The following DNAJC4 variants were observed in gnomAD, a reference collection of about 807,000 sequenced individuals.
The protein encoded by DNAJC4 is dnaJ homolog subfamily C member 4.
DNAJC4 carries 26 observed loss-of-function variants against 26.8 expected under a neutral mutation model. The observed-to-expected ratio is 0.97, with a 90% CI of 0.71 to 1.34. The LOEUF (loss-of-function observed/expected upper bound fraction) is 1.34, where lower values mean the gene tolerates loss of function less well. DNAJC4 is among the 40% of genes most tolerant of loss of function. The pLI, the probability that DNAJC4 is intolerant of heterozygous loss-of-function variation, is 0.00. For synonymous variants in DNAJC4, 134 were observed against 127.8 expected, an observed-to-expected ratio of 1.05 and a Z score of -0.33; for missense variants, 342 against 321.1, an observed-to-expected ratio of 1.07 and a Z score of -0.50.
Position 64,230,858 on chromosome 11 carries a change from C to T in DNAJC4, c.4C>T (p.Pro2Ser), listed in dbSNP as rs868563644. The change falls in exon 1 of 6, where the codon CCG becomes TCG. Residue 2 changes from proline to serine, a missense_variant. Pro to Ser is a moderately conservative substitution (Grantham distance 74). Coordinates refer to ENST00000628077, the MANE Select transcript of DNAJC4 (RefSeq NM_005528.4). M[P>S]PLLPLRLCRL... ...TCCCAGCTGCCCGCCCGCCGCCATG[C>T]CGCCCTTACTGCCCCTGCGCCTGTG... The T allele has an allele frequency of 1.3e-6, 2 of 1,599,288 alleles. No homozygotes were observed. The highest frequency in any genetic ancestry group is 1.7e-5 in the Admixed American group (1 of 59,124).
chr11:64,230,818 C>G lies in DNAJC4; in HGVS notation c.-37C>G. On this transcript the variant is annotated 5_prime_UTR_variant, in exon 1 of 6. Coordinates refer to ENST00000628077, the MANE Select transcript of DNAJC4 (RefSeq NM_005528.4). ...TAGCCCCATCCTGGTCCAATGCGCTCTTGGTAGCCTCCTTTCCCAGCTGCC... is the reference window on the plus strand; with the variant it reads ...TAGCCCCATCCTGGTCCAATGCGCTGTTGGTAGCCTCCTTTCCCAGCTGCC... 6.3e-7 allele frequency: 1 copy of G among 1,582,000 alleles called. No homozygotes were observed. The highest frequency in any genetic ancestry group is 8.6e-7 in the Non-Finnish European group (1 of 1,166,322).
At position 64,233,891 on chromosome 11, in the gene DNAJC4, C is replaced by A; in HGVS notation, c.528-3C>A. 1 of 1,612,398 alleles carries A rather than the reference C, an allele frequency of 6.2e-7. No homozygotes were observed. The highest frequency in any genetic ancestry group is 1.1e-5 in the South Asian group (1 of 91,058). ...TCCCAGGGTTAATTGTGACCCATTG[C>A]AGGAAGGTGAAGCAGATGCACCTTA... On this transcript the variant is annotated splice_polypyrimidine_tract_variant and splice_region_variant and intron_variant, in intron 4 of 5. Coordinates refer to ENST00000628077, the MANE Select transcript of DNAJC4 (RefSeq NM_005528.4).
chr11:64,231,169 A>G, intron 1 of DNAJC4: 1 of 679,346 alleles, frequency 1.5e-6, no homozygotes, highest in Non-Finnish European at 2.7e-6. Flanking sequence ...CGCTCTTACC[A>G]CAGCTCTAGT....
In DNAJC4 at chr11:64,233,940, A is replaced by T; in HGVS notation, c.574A>T (p.Ile192Phe). The T allele has an allele frequency of 6.2e-7, 1 of 1,614,072 alleles. No homozygotes were observed. The highest frequency in any genetic ancestry group is 8.5e-7 in the Non-Finnish European group (1 of 1,180,008). The part of the protein sequence containing the change: ...HLNFMDEKDR[I>F]ITAFYNEARA... ...TAACTTCATGGATGAAAAGGATCGG[A>T]TCATCACAGCCTTCTACAACGAAGC... Residue 192 changes from isoleucine to phenylalanine, a missense_variant, in exon 5 of 6, where the codon ATC becomes TTC. Physicochemically the swap from Ile to Phe is conservative, Grantham distance 21. Transcript: ENST00000628077.
chr11:64,233,292 G>C (rs1409053389), intron 4 of DNAJC4, among the ~76,000 whole-genome samples: 1 of 151,876 alleles, frequency 6.6e-6, no homozygotes, highest in Non-Finnish European at 1.5e-5. Flanking sequence ...GCAGTGCAGT[G>C]GCGCAATCTC....
At chr11:64,233,014 T>C in intron 4 of DNAJC4, 149 bp downstream of exon 4, 2 of 858,302 alleles carry the variant, frequency 2.3e-6, no homozygotes, top group Non-Finnish European at 1.6e-6. Context: ...CTGGAGCCTC[T>C]CCTTACTTAT....
At chr11:64,231,216 T>G in intron 1 of DNAJC4, 1 of 569,092 alleles carries the variant, frequency 1.8e-6, no homozygotes, top group Non-Finnish European at 3.3e-6. Flanking sequence ...TGCATAACCC[T>G]CTGTGGGGGG....
intron 1 of DNAJC4, chr11:64,231,610 G>A (rs1947176985): frequency 7.4e-6 from 3 of 403,384 alleles, no homozygotes; most frequent in Admixed American, 7.7e-5. Context: ...CAAAATGCTG[G>A]ATTACAGGCG....
At position 64,230,802 on chromosome 11, in the gene DNAJC4, C is replaced by G. The variant is rs746712557; in HGVS notation, c.-53C>G. 1.9e-6 allele frequency: 3 copies of G among 1,566,900 alleles called. No homozygotes were observed. The highest frequency in any genetic ancestry group is 2.6e-6 in the Non-Finnish European group (3 of 1,157,982). ...CCGGGTGCTTGAAGTCTAGCCCCAT[C>G]CTGGTCCAATGCGCTCTTGGTAGCC... On this transcript the variant is annotated 5_prime_UTR_variant, in exon 1 of 6. It adds an upstream start codon to the 5' untranslated region. Coordinates refer to ENST00000628077, the MANE Select transcript of DNAJC4 (RefSeq NM_005528.4).
At chr11:64,230,963 G>C (rs941108757) in intron 1 of DNAJC4, 23 bp downstream of exon 1, 1 of 1,538,982 alleles carries the variant, frequency 6.5e-7, no homozygotes, top group Non-Finnish European at 8.7e-7. Flanking sequence ...CGGGGGGCCG[G>C]CCCGGTTGTT....
intron 4 of DNAJC4, 152 bp from the exon 5 acceptor site, chr11:64,233,742 C>A: frequency 9.4e-7 from 1 of 1,060,980 alleles, no homozygotes; most frequent in Non-Finnish European, 1.3e-6. Context: ...CCACTCTGAG[C>A]CCTCCCTATC....
At chr11:64,232,242 G>A in intron 2 of DNAJC4, 188 bp from the exon 3 acceptor site, 1 of 791,034 alleles carries the variant, frequency 1.3e-6, no homozygotes, top group African/African-American at 1.7e-5. Context: ...GGTGGGGAGG[G>A]CTTGAACACA....
At position 64,232,811 on chromosome 11, in the gene DNAJC4, G is replaced by A. The variant is rs1429461288; in HGVS notation, c.473G>A (p.Gly158Glu). The A allele has an allele frequency of 4.3e-6, 7 of 1,612,868 alleles. No homozygotes were observed. The highest frequency in any genetic ancestry group is 5.9e-6 in the Non-Finnish European group (7 of 1,179,512). The stretch of plus-strand genomic sequence containing the variant: ...CACAAACAAAACAAACAAGTGCTGG[G>A]GTACTGCCTCCTCCTCATGCTGGCG... ...QQHKQNKQVL[G>E]YCLLLMLAGM... Residue 158 changes from glycine (G) to glutamate (E), a missense_variant, in exon 4 of 6, where the codon GGG becomes GAG. Transcript: ENST00000628077.
In DNAJC4 at chr11:64,230,920, C is replaced by T. The variant is rs1391741314; in HGVS notation, c.66C>T (p.Leu22=). 3 of 1,570,822 alleles carry T rather than the reference C, an allele frequency of 1.9e-6. No individual in the cohort carries two copies. Among genetic ancestry groups the T allele is most frequent in the Admixed American group, 1.8e-5 (1 of 56,432 alleles). The change falls in exon 1 of 6, where the codon CTC becomes CTT. Residue 22 remains leucine (L), a synonymous_variant. Coordinates refer to ENST00000628077, the MANE Select transcript of DNAJC4 (RefSeq NM_005528.4). ...LWPRNPPSRL[L]GAAAGQRSRP... is the part of the protein sequence containing the mutation. ...CCCGCAACCCTCCCTCCCGGCTCCT[C>T]GGAGCGGCCGCCGGGCAGCGGTGAG...
chr11:64,234,176 G>A lies in DNAJC4; in HGVS notation c.718G>A (p.Gly240Ser). The change falls in exon 6 of 6, where the codon GGC (glycine) becomes AGC (serine). Residue 240 changes from glycine (G) to serine (S), a missense_variant. Coordinates refer to ENST00000628077, the MANE Select transcript of DNAJC4 (RefSeq NM_005528.4). This position sits in a 1 kb window ranked among gnomAD's most constrained non-coding sequence, Gnocchi z 5.3. ...QGPEIVPRGA[G>S]P is the part of the protein sequence containing the mutation. ...CCCCGAGATCGTGCCCCGGGGCGCC[G>A]GCCCCTGAGGGGCTCACCTGGATGG... 1 of 1,560,244 alleles carries A rather than the reference G, an allele frequency of 6.4e-7. No homozygotes were observed. Among genetic ancestry groups the A allele is most frequent in the Non-Finnish European group, 8.6e-7 (1 of 1,156,234 alleles).
Position 64,232,535 on chromosome 11 carries a change from G to A in DNAJC4, c.286G>A (p.Asp96Asn), listed in dbSNP as rs761896083. Reference sequence around the variant, plus strand: ...CCGTGAGCAGAGCCGCCGCAGCTATGATGACCAGCTCCGCTCAGGTAGTCC... The same window carrying A: ...CCGTGAGCAGAGCCGCCGCAGCTATAATGACCAGCTCCGCTCAGGTAGTCC... ...LSREQSRRSY[D>N]DQLRSGSPPK... Residue 96 changes from aspartate to asparagine, a missense_variant, in exon 3 of 6, where the codon GAT becomes AAT. Physicochemically the swap from Asp to Asn is conservative, Grantham distance 23. Coordinates refer to ENST00000628077, the MANE Select transcript of DNAJC4 (RefSeq NM_005528.4). The A allele has an allele frequency of 6.2e-7, 1 of 1,613,272 alleles. No individual in the cohort carries two copies. Among genetic ancestry groups the A allele is most frequent in the African/African-American group, 1.3e-5 (1 of 74,868 alleles).
chr11:64,234,164 C>T lies in DNAJC4; in HGVS notation c.706C>T (p.Pro236Ser), dbSNP rs762748779. ...GCCAACCCAAGGCCCCGAGATCGTG[C>T]CCCGGGGCGCCGGCCCCTGAGGGGC... Reference protein sequence around the residue: ...SEPTQGPEIVPRGAGP With the variant: ...SEPTQGPEIVSRGAGP The change falls in exon 6 of 6, where the codon CCC (proline) becomes TCC (serine). Residue 236 changes from proline (P) to serine (S), a missense_variant. Coordinates refer to ENST00000628077, the MANE Select transcript of DNAJC4 (RefSeq NM_005528.4). This position sits in a 1 kb window ranked among gnomAD's most constrained non-coding sequence, Gnocchi z 5.3. 2.5e-6 allele frequency: 4 copies of T among 1,573,430 alleles called. No homozygotes were observed. In the African/African-American group the frequency reaches 4.0e-5, roughly 16 times the overall value.
chr11:64,231,090 A>G (rs1947169765), intron 1 of DNAJC4, 150 bp downstream of exon 1: 1 of 1,047,450 alleles, frequency 9.5e-7, no homozygotes, highest in East Asian at 2.6e-5. Context: ...TCAGAGATAG[A>G]GAAGACCCCC....
rs752439705 is a variant in DNAJC4 at position 64,233,913 on chromosome 11, CT to C, written c.549del (p.Asn184ThrfsTer35). ...IAFRKVKQMH[L>X]NFMDEKDRII... ...TTGCAGGAAGGTGAAGCAGATGCAC[CT>C]TAACTTCATGGATGAAAAGGATCGG... On this transcript the variant is annotated frameshift_variant, in exon 5 of 6. Transcript: ENST00000628077. LOFTEE classifies it high-confidence loss of function. 1.2e-6 allele frequency: 2 copies of C among 1,613,888 alleles called. No homozygotes were observed. Among genetic ancestry groups the C allele is most frequent in the Non-Finnish European group, 1.7e-6 (2 of 1,179,974 alleles).
Sources: allele counts gnomAD v4.1 joint callset (sites outside exome capture counted in the v4.1 genomes callset), GRCh38; gene constraint gnomAD v4.1.1; non-coding constraint Gnocchi (gnomAD v3.1); transcripts MANE v1.5; gene names NCBI Gene and HGNC (gene_info 2026-07-23, HGNC 2026-07-21).